Variants in MGA observed in about 807,000 individuals in gnomAD.
MGA encodes the protein MAX dimerization protein MGA.
MGA carries 40 observed loss-of-function variants against 261.1 expected under a neutral mutation model. The ratio of observed to expected loss-of-function variants is 0.15; its 90% CI spans 0.12 to 0.20. MGA has a LOEUF of 0.20. Among genes scored for constraint, MGA ranks in the 10% least tolerant of loss-of-function variants. The pLI, the probability that MGA is intolerant of heterozygous loss-of-function variation, is 1.00. For synonymous variants in MGA, 1,302 were observed against 1,290.6 expected (o/e 1.01, Z -0.19); for missense variants, 3,397 against 3,630.5 (o/e 0.94, Z 1.65).
Position 41,767,301 on chromosome 15 carries a change from A to G in MGA, c.*21A>G, listed in dbSNP as rs2063849249. The G allele has an allele frequency of 6.3e-7, 1 of 1,580,976 alleles. No homozygotes were observed. The highest frequency in any genetic ancestry group is 8.6e-7 in the Non-Finnish European group (1 of 1,162,176). ...AATGAACTTACTTGTCCTTAAGCAG[A>G]AGCCAGGCTGTGAGGGGAAATAGAT... On this transcript the variant is annotated 3_prime_UTR_variant, in exon 24 of 24. Coordinates refer to ENST00000219905, the MANE Select transcript of MGA (RefSeq NM_001164273.2).
Position 41,748,918 on chromosome 15 carries a change from C to T in MGA, c.5494C>T (p.Arg1832Trp), listed in dbSNP as rs780889520. 8 of 1,613,378 alleles carry T rather than the reference C, an allele frequency of 5.0e-6. No individual in the cohort carries two copies. Among genetic ancestry groups the T allele is most frequent in the East Asian group, 2.2e-5 (1 of 44,902 alleles). ...GCCCAACTTACAGCCTGTCATGTTT[C>T]GGAACCCAGGTATAAAGTTCTTTTT... Residue 1832 changes from arginine (R) to tryptophan (W), a missense_variant, in exon 16 of 24, where the codon CGG (arginine) becomes TGG (tryptophan). Coordinates refer to ENST00000219905, the MANE Select transcript of MGA (RefSeq NM_001164273.2).
At chr15:41,641,606 C>T (rs952618419) in intron 1 of MGA, among the ~76,000 whole-genome samples, 4 of 151,236 alleles carry the variant, frequency 2.6e-5, no homozygotes, top group African/African-American at 4.9e-5. Flanking sequence ...TCTCCTGCCT[C>T]AGCCTCCCGA....
upstream of MGA, among the ~76,000 whole-genome samples, chr15:41,658,192 G>A (rs950830784): frequency 3.9e-5 from 6 of 152,100 alleles, no homozygotes; most frequent in South Asian, 2.1e-4. Flanking sequence ...CTACTTGAAC[G>A]TGCAGTCTAG....
chr15:41,644,682 C>T (rs536566354), intron 1 of MGA, among the ~76,000 whole-genome samples: 1 of 152,044 alleles, frequency 6.6e-6, no homozygotes, highest in Admixed American at 6.6e-5. Context: ...AAAAATATTA[C>T]CATTCAAAGT....
At chr15:41,660,127 C>T (rs1338105582), upstream of MGA, among the ~76,000 whole-genome samples, 1 of 152,224 alleles carries the variant, frequency 6.6e-6, no homozygotes, top group East Asian at 1.9e-4. Flanking sequence ...TCACAGTTTC[C>T]ACGAAGGCTT....
At chr15:41,734,471 G>A in intron 11 of MGA, 51 bp from the exon 12 acceptor site, 1 of 1,373,456 alleles carries the variant, frequency 7.3e-7, no homozygotes, top group Non-Finnish European at 1.0e-6. Context: ...GTTTCTGTGG[G>A]TATTGAATAT....
rs530345551 is a variant in MGA, at chr15:41,663,360, G to A, written c.-68+2835G>A. On this transcript the variant is annotated intron_variant, in intron 1 of 23. Coordinates refer to ENST00000219905, the MANE Select transcript of MGA (RefSeq NM_001164273.2). Reference sequence around the variant, plus strand: ...GAATTGAAAGTTTTTGAATGTTAAGGTATATATATACCAAAATTGTGGTTT... The same window carrying A: ...GAATTGAAAGTTTTTGAATGTTAAGATATATATATACCAAAATTGTGGTTT... Among the ~76,000 whole-genome samples the A allele has an allele frequency of 2.4e-4, 37 of 152,084 alleles. 1 individual carries two copies. In the South Asian group the frequency reaches 7.1e-3, roughly 29 times the overall value.
rs890626809 is a variant in MGA, at chr15:41,634,220, G to A, written c.-68+12922G>A. Among the ~76,000 whole-genome samples the A allele has an allele frequency of 3.3e-5, 5 of 152,226 alleles. No homozygotes were observed. In the East Asian group the frequency reaches 9.6e-4, roughly 29 times the overall value. ...CCCTACTAAAATTCGAGTACCATGA[G>A]GACAGGGATTTTTGTCCTGTTTGCT... On this transcript the variant is annotated intron_variant, in intron 1 of 8. Coordinates refer to the MGA transcript ENST00000566718.
Position 41,696,558 on chromosome 15 carries a change from T to C in MGA, c.1548T>C (p.Asn516=). Residue 516 remains asparagine (N), a synonymous_variant, in exon 3 of 24, where the codon AAT becomes AAC. Transcript: ENST00000219905. Reference sequence around the variant, plus strand: ...TGCCTACATACATTGAAAATTCCAATGAGACTGCCTTCTGCTTAGGCAAGG... The same window carrying C: ...TGCCTACATACATTGAAAATTCCAACGAGACTGCCTTCTGCTTAGGCAAGG... The C allele has an allele frequency of 6.2e-7, 1 of 1,613,948 alleles. No homozygotes were observed. The highest frequency in any genetic ancestry group is 1.1e-5 in the South Asian group (1 of 91,084).
intron 1 of MGA, among the ~76,000 whole-genome samples, chr15:41,635,978 T>C (rs1267021317): frequency 6.6e-6 from 1 of 152,186 alleles, no homozygotes; most frequent in African/African-American, 2.4e-5. Flanking sequence ...TAAAACTTTA[T>C]AAAATTCAGT....
Position 41,736,400 on chromosome 15 carries a change from A to C in MGA, c.4136A>C (p.Gln1379Pro), listed in dbSNP as rs2061777951. 3.7e-6 allele frequency: 6 copies of C among 1,613,924 alleles called. No homozygotes were observed. The highest frequency in any genetic ancestry group is 1.3e-5 in the African/African-American group (1 of 74,952). ...AGCTTCATCATTGAGTTGGCTTCTC[A>C]GCGAAAGAGCCGGGGTGAGAAGAAC... The change falls in exon 13 of 24, where the codon CAG becomes CCG. Residue 1379 changes from glutamine to proline, a missense_variant. Gln to Pro is a moderately conservative substitution (Grantham distance 76). This residue lies in a region of MGA where 1,410 missense variants were observed against 1,386.4 expected (regional missense o/e 1.02). Transcript: ENST00000219905.
At chr15:41,656,263 GT>G (rs1376687257), upstream of MGA, among the ~76,000 whole-genome samples, 1 of 151,890 alleles carries the variant, frequency 6.6e-6, no homozygotes, top group Non-Finnish European at 1.5e-5. Context: ...TTAGGCAAGG[GT>G]GAGGAACGTG....
rs1282647884 is a variant in MGA at position 41,706,571 on chromosome 15, C to CT, written c.2189-1146dup. ...CTTTACTATGATACTTAACACTTAGCTTTTTTTTTTTCCCTTTTTTTTTTT... is the reference window on the plus strand; with the variant it reads ...CTTTACTATGATACTTAACACTTAGCTTTTTTTTTTTTCCCTTTTTTTTTTT... On this transcript the variant is annotated intron_variant, in intron 5 of 23. Transcript: ENST00000219905. Among the ~76,000 whole-genome samples, 164 of 129,068 alleles carry CT rather than the reference C, an allele frequency of 1.3e-3. 1 individual carries two copies. The highest frequency in any genetic ancestry group is 8.4e-3 in the East Asian group (33 of 3,932). The allele number at this position is 129,068 out of a possible 152,430, so 84.7% of individuals were successfully genotyped here.
intron 1 of MGA, among the ~76,000 whole-genome samples, chr15:41,662,931 A>G (rs1307777758): frequency 6.6e-6 from 1 of 152,188 alleles, no homozygotes; most frequent in African/African-American, 2.4e-5. Flanking sequence ...TAGCATTTGA[A>G]TATTTGTGTT....
rs747078272 is a variant in MGA, at chr15:41,750,460, C to A, written c.6853C>A (p.Gln2285Lys). Residue 2285 changes from glutamine to lysine, a missense_variant, in exon 17 of 24, where the codon CAA becomes AAA. This residue lies in a region of MGA where 1,410 missense variants were observed against 1,386.4 expected (regional missense o/e 1.02). Coordinates refer to ENST00000219905, the MANE Select transcript of MGA (RefSeq NM_001164273.2). ...ACCTGGAGAACAGATACAACCAAAG[C>A]AAGAGAAGAAGGGTGGGAGAAGCAG... 6.2e-7 allele frequency: 1 copy of A among 1,613,892 alleles called. No homozygotes were observed. Among genetic ancestry groups the A allele is most frequent in the Non-Finnish European group, 8.5e-7 (1 of 1,179,876 alleles).
Position 41,696,633 on chromosome 15 carries a change from A to G in MGA, c.1623A>G (p.Gln541=), listed in dbSNP as rs1351918584. ...ATTCACCAGATCTCAGAGTGGTACA[A>G]AAATATCCCTTACTGAAAGAGCCTC... The change falls in exon 3 of 24, where the codon CAA becomes CAG. Residue 541 remains glutamine, a synonymous_variant. Transcript: ENST00000219905. 8 of 1,613,610 alleles carry G rather than the reference A, an allele frequency of 5.0e-6. No homozygotes were observed. The East Asian group carries it at 1.1e-4, about 22-fold the overall frequency.
At chr15:41,649,274 C>T (rs915492595) in intron 1 of MGA, among the ~76,000 whole-genome samples, 4 of 151,116 alleles carry the variant, frequency 2.6e-5, no homozygotes, top group Non-Finnish European at 5.9e-5. Context: ...CCCAGCTATT[C>T]GGGAGGCTGA....
chr15:41,734,449 G>C (rs2061670747), intron 11 of MGA, 73 bp from the exon 12 acceptor site: 2 of 1,167,550 alleles, frequency 1.7e-6, no homozygotes, highest in Non-Finnish European at 2.5e-6. Flanking sequence ...GAGATTTAAT[G>C]CTTGTGTCCA....
chr15:41,766,730 G>T lies in MGA; in HGVS notation c.8648G>T (p.Gly2883Val). ...TTCCAGGTTGAGCACTTGGGAACTGGTTTGAAAGAGTTGCCTGATGTTCAA... is the reference window on the plus strand; with the variant it reads ...TTCCAGGTTGAGCACTTGGGAACTGTTTTGAAAGAGTTGCCTGATGTTCAA... The change falls in exon 24 of 24, where the codon GGT becomes GTT. Residue 2883 changes from glycine (G) to valine (V), a missense_variant. By Grantham distance (109) the Gly-to-Val change is moderately radical. This residue lies in a region of MGA where 647 missense variants were observed against 642.4 expected (regional missense o/e 1.01). Transcript: ENST00000219905. The T allele has an allele frequency of 1.9e-6, 3 of 1,613,960 alleles. No individual in the cohort carries two copies. Among genetic ancestry groups the T allele is most frequent in the Non-Finnish European group, 2.5e-6 (3 of 1,179,896 alleles).
Sources: allele counts gnomAD v4.1 joint callset (sites outside exome capture counted in the v4.1 genomes callset), GRCh38; gene constraint gnomAD v4.1.1; regional missense constraint gnomAD v4.1.1; transcripts MANE v1.5; gene names NCBI Gene and HGNC (gene_info 2026-07-23, HGNC 2026-07-21).